HDAC9: variants seen among roughly 807,000 people sequenced by gnomAD.
HDAC9 encodes MEF-2 interacting transcription repressor (MITR) protein.
Under a neutral mutation model 139.4 loss-of-function variants are expected in HDAC9, and 41 were observed. The ratio of observed to expected loss-of-function variants is 0.29; its 90% CI spans 0.23 to 0.38. The LOEUF (loss-of-function observed/expected upper bound fraction) is 0.38. Among genes scored for constraint, HDAC9 ranks in the 10% least tolerant of loss-of-function variants. The pLI is 1.00. For synonymous variants in HDAC9, 517 were observed against 476.2 expected, an observed-to-expected ratio of 1.09 and a Z score of -1.12; for missense variants, 1,147 against 1,297.0, an observed-to-expected ratio of 0.88 and a Z score of 1.78.
At chr7:18,642,378 C>G (rs1785943113) in intron 8 of HDAC9, among the ~76,000 whole-genome samples, 3 of 152,054 alleles carry the variant, frequency 2.0e-5, no homozygotes, top group African/African-American at 7.2e-5. Flanking sequence ...TCTGTGGTTC[C>G]CCTGTCTTCC....
chr7:18,500,181 T>C (rs1798007004), intron 2 of HDAC9, among the ~76,000 whole-genome samples: 1 of 152,158 alleles, frequency 6.6e-6, no homozygotes, highest in Admixed American at 6.6e-5. Context: ...TTATGTCCGT[T>C]AAGTAAGAAA....
rs114453247 is a variant in HDAC9 at position 18,219,272 on chromosome 7, A to G, written c.25+56923A>G. Among the ~76,000 whole-genome samples, 1,083 of 152,264 alleles carry G rather than the reference A, an allele frequency of 7.1e-3. 13 individuals are homozygous for G. Among genetic ancestry groups the G allele is most frequent in the African/African-American group, 0.025 (1,024 of 41,560 alleles). On this transcript the variant is annotated intron_variant, in intron 2 of 12. Coordinates refer to the HDAC9 transcript ENST00000417496. ...AATTAGTTCTCTTTAAAAAAATTAT[A>G]GTTTGCTTTCTTTCAAAATTTATTT...
intron 11 of HDAC9, among the ~76,000 whole-genome samples, chr7:18,656,574 AC>A (rs1409237577): frequency 5.9e-5 from 9 of 152,252 alleles, no homozygotes; most frequent in Non-Finnish European, 1.2e-4. Flanking sequence ...AAGATATTCA[AC>A]CTTTTTGTTT....
chr7:18,260,493 T>G (rs958866471), intron 2 of HDAC9: 3 of 152,416 alleles, frequency 2.0e-5, no homozygotes, highest in Non-Finnish European at 4.4e-5. Context: ...TAATTTTTTG[T>G]GTTTTTTAGT....
intron 23 of HDAC9, among the ~76,000 whole-genome samples, chr7:18,941,866 G>A (rs2129315180): frequency 6.6e-6 from 1 of 152,210 alleles, no homozygotes; most frequent in East Asian, 1.9e-4. Flanking sequence ...CAAATTGGTT[G>A]TGGATTTATT....
At chr7:18,995,776 G>C (rs1786416212) in intron 25 of HDAC9, among the ~76,000 whole-genome samples, 1 of 152,084 alleles carries the variant, frequency 6.6e-6, no homozygotes, top group Non-Finnish European at 1.5e-5. Flanking sequence ...TTGGAATCTA[G>C]AGTTATAAAA....
At chr7:18,279,275 T>C (rs751414559) in intron 2 of HDAC9, among the ~76,000 whole-genome samples, 16 of 152,160 alleles carry the variant, frequency 1.1e-4, no homozygotes, top group Non-Finnish European at 2.1e-4. Context: ...CTGCCTGGCT[T>C]TTCCACCACC....
chr7:18,814,233 A>T (rs1013358913), intron 17 of HDAC9, among the ~76,000 whole-genome samples: 4 of 152,204 alleles, frequency 2.6e-5, no homozygotes, highest in African/African-American at 9.7e-5. Flanking sequence ...CATAAATGGG[A>T]AATAATGGTT....
At chr7:18,904,672 T>C (rs1403865506) in intron 22 of HDAC9, among the ~76,000 whole-genome samples, 1 of 147,506 alleles carries the variant, frequency 6.8e-6, no homozygotes, top group East Asian at 2.0e-4. Context: ...GCCTCCCGGG[T>C]TCACGCCATT....
chr7:18,775,842 C>T (rs1347742721), intron 16 of HDAC9, among the ~76,000 whole-genome samples: 1 of 152,046 alleles, frequency 6.6e-6, no homozygotes, highest in South Asian at 2.1e-4. Flanking sequence ...TATCCATACT[C>T]AGTTGAACCA....
At chr7:18,268,465 A>C (rs549758462) in intron 2 of HDAC9, among the ~76,000 whole-genome samples, 1 of 150,904 alleles carries the variant, frequency 6.6e-6, no homozygotes, top group African/African-American at 2.4e-5. Context: ...AGAGTTTTCA[A>C]GTGCCAGAGA....
At chr7:18,226,758 A>G (rs1340579732) in intron 2 of HDAC9, among the ~76,000 whole-genome samples, 1 of 152,238 alleles carries the variant, frequency 6.6e-6, no homozygotes, top group Non-Finnish European at 1.5e-5. Flanking sequence ...GCAATTCAGC[A>G]TGGCCGGTTA....
At chr7:18,200,634 A>T (rs926780483) in intron 2 of HDAC9, among the ~76,000 whole-genome samples, 2 of 152,222 alleles carry the variant, frequency 1.3e-5, no homozygotes, top group Non-Finnish European at 2.9e-5. Flanking sequence ...GTAGTAGACT[A>T]ACACCATCGA....
chr7:18,294,212 GTC>G (rs1797998088), intron 1 of HDAC9, among the ~76,000 whole-genome samples: 1 of 152,096 alleles, frequency 6.6e-6, no homozygotes, highest in Admixed American at 6.6e-5. Flanking sequence ...ACATTGTACT[GTC>G]TACATTGGGA....
chr7:18,930,877 G>C (rs1477645001), intron 22 of HDAC9, among the ~76,000 whole-genome samples: 2 of 152,056 alleles, frequency 1.3e-5, no homozygotes, highest in African/African-American at 4.8e-5. Flanking sequence ...ATCTAAATTT[G>C]GCATTTTATG....
Position 18,741,994 on chromosome 7 carries a change from G to C in HDAC9, c.1910-7011G>C, listed in dbSNP as rs140827920. Among the ~76,000 whole-genome samples the C allele has an allele frequency of 1.3e-3, 193 of 152,298 alleles. 2 individuals carry two copies. The highest frequency in any genetic ancestry group is 4.5e-3 in the African/African-American group (186 of 41,568). ...ATTAATAAGGAGTTATTTCTTAGGG[G>C]TTGAGCAAGAAAAATGTTTTCTTGG... On this transcript the variant is annotated intron_variant, in intron 13 of 25. Transcript: ENST00000686413.
At chr7:18,584,567 T>C (rs772476410) in intron 2 of HDAC9, among the ~76,000 whole-genome samples, 34 of 152,228 alleles carry the variant, frequency 2.2e-4, no homozygotes, top group Middle Eastern at 3.2e-3. Context: ...AGTGGTTTGA[T>C]TAAATACTTG....
At chr7:18,919,810 A>G (rs545426010) in intron 22 of HDAC9, among the ~76,000 whole-genome samples, 1 of 152,058 alleles carries the variant, frequency 6.6e-6, no homozygotes, top group Admixed American at 6.6e-5. Flanking sequence ...GACTACTAAA[A>G]AGTAATAAAA....
intron 2 of HDAC9, among the ~76,000 whole-genome samples, chr7:18,507,546 G>C (rs1210174486): frequency 6.6e-6 from 1 of 151,892 alleles, no homozygotes; most frequent in Admixed American, 6.6e-5. Context: ...CCAGGCTAGA[G>C]TGCAATGGCG....
Sources: gnomAD v4.1 joint callset for allele counts (sites outside exome capture counted in the v4.1 genomes callset) on GRCh38, gnomAD v4.1.1 for gene constraint, MANE v1.5 for transcripts, NCBI Gene and HGNC (gene_info 2026-07-23, HGNC 2026-07-21) for gene names.